The following LIPI variants were observed in gnomAD, a reference collection of about 807,000 sequenced individuals.
The protein encoded by LIPI is lipase member I.
LIPI carries 59 observed loss-of-function variants against 50.6 expected under a neutral mutation model. That is an observed-to-expected ratio of 1.16 (90% confidence interval 0.94 to 1.45). The LOEUF (loss-of-function observed/expected upper bound fraction) is 1.45. LIPI is among the 40% of genes most tolerant of loss of function. The probability of loss-of-function intolerance (pLI) is 0.00; values close to 1 mark genes in which losing one functional copy is unlikely to be tolerated. For missense variants in LIPI, 586 were observed against 536.3 expected (o/e 1.09, Z -0.92); for synonymous variants, 203 against 178.2 (o/e 1.14, Z -1.11).
chr21:14,161,674 CATT>C (rs1480347087), intron 7 of LIPI, among the ~76,000 whole-genome samples: 4 of 97,902 alleles, frequency 4.1e-5, no homozygotes, highest in African/African-American at 1.7e-4. Flanking sequence ...ATAATATATA[CATT>C]ATTATATATT....
At chr21:14,201,020 T>C (rs926138492) in intron 1 of LIPI, among the ~76,000 whole-genome samples, 3 of 152,124 alleles carry the variant, frequency 2.0e-5, no homozygotes, top group South Asian at 2.1e-4. Flanking sequence ...AAGGATTCCC[T>C]GTCGAATAAG....
rs985251169 is a variant in LIPI, at chr21:14,202,321, C to A, written c.46+8479G>T. 4.6e-5 allele frequency among the ~76,000 whole-genome samples: 7 copies of A among 151,958 alleles called. No homozygotes were observed. The South Asian group carries it at 1.5e-3, about 32-fold the overall frequency. ...TACCAATGACTTTCTTCACAGAATT[C>A]GAAAAAACTATTTTAAAGTTCATAT... On this transcript the variant is annotated intron_variant, in intron 1 of 9. Coordinates refer to ENST00000681601, the MANE Select transcript of LIPI (RefSeq NM_001302998.2).
At chr21:14,186,936 C>G (rs1358732354) in intron 2 of LIPI, among the ~76,000 whole-genome samples, 5 of 152,180 alleles carry the variant, frequency 3.3e-5, no homozygotes, top group Non-Finnish European at 7.3e-5. Context: ...TATAAGCTAC[C>G]TAGCCTATGG....
intron 9 of LIPI, among the ~76,000 whole-genome samples, chr21:14,116,340 G>A (rs2016637495): frequency 6.6e-6 from 1 of 152,112 alleles, no homozygotes; most frequent in Non-Finnish European, 1.5e-5. Flanking sequence ...AGGCCGACAG[G>A]ATTAGTTTCA....
At chr21:14,207,916 G>A (rs1456200542) in intron 1 of LIPI, among the ~76,000 whole-genome samples, 1 of 152,180 alleles carries the variant, frequency 6.6e-6, no homozygotes, top group Non-Finnish European at 1.5e-5. Context: ...GCTATTAACT[G>A]CATGTAGAGG....
In LIPI at chr21:14,132,812, G is replaced by A. The variant is rs900992957; in HGVS notation, c.1295+11811C>T. The stretch of plus-strand genomic sequence containing the variant: ...ATAAACACAATCTGTAAAGAAAAAA[G>A]GGATATTACAACTGACACCACAGAA... On this transcript the variant is annotated intron_variant, in intron 9 of 9. Transcript: ENST00000681601. Among the ~76,000 whole-genome samples, 8 of 152,040 alleles carry A rather than the reference G, an allele frequency of 5.3e-5. No individual in the cohort carries two copies. In the South Asian group the frequency reaches 6.2e-4, roughly 12 times the overall value.
At chr21:14,135,463 G>A (rs1404287365) in intron 9 of LIPI, among the ~76,000 whole-genome samples, 1 of 152,166 alleles carries the variant, frequency 6.6e-6, no homozygotes, top group Admixed American at 6.5e-5. Flanking sequence ...CCCCAGGAGT[G>A]GCGGCATGGT....
chr21:14,144,039 C>A, intron 9 of LIPI: 1 of 157,950 alleles, frequency 6.3e-6, no homozygotes, highest in Non-Finnish European at 1.4e-5. Context: ...AGCTTCTCCT[C>A]ACACCTTTAT....
chr21:14,152,166 T>C (rs2018117506), intron 8 of LIPI, among the ~76,000 whole-genome samples: 1 of 151,946 alleles, frequency 6.6e-6, no homozygotes, highest in Admixed American at 6.6e-5. Context: ...AGCGGTGCAA[T>C]CTCAGCTCAC....
At chr21:14,162,814 G>A (rs1300550178) in intron 7 of LIPI, among the ~76,000 whole-genome samples, 1 of 151,766 alleles carries the variant, frequency 6.6e-6, no homozygotes, top group Non-Finnish European at 1.5e-5. Context: ...ATTAATGACA[G>A]TAATTCAAAA....
At chr21:14,130,142 C>T (rs2017231895) in intron 9 of LIPI, among the ~76,000 whole-genome samples, 1 of 152,076 alleles carries the variant, frequency 6.6e-6, no homozygotes, top group Non-Finnish European at 1.5e-5. Flanking sequence ...GTCCCAGTCC[C>T]CATATTCTCC....
chr21:14,208,812 G>A (rs1402859856), intron 1 of LIPI, among the ~76,000 whole-genome samples: 1 of 152,192 alleles, frequency 6.6e-6, no homozygotes, highest in Non-Finnish European at 1.5e-5. Context: ...AGCACTTTGG[G>A]AGGCTGAGAA....
chr21:14,167,399 C>T (rs538003101), intron 4 of LIPI, among the ~76,000 whole-genome samples: 1 of 152,194 alleles, frequency 6.6e-6, no homozygotes, highest in African/African-American at 2.4e-5. Context: ...TGAGAACGGG[C>T]AGACTGTCTC....
chr21:14,111,990 C>T (rs536320137), intron 9 of LIPI, among the ~76,000 whole-genome samples: 42 of 152,116 alleles, frequency 2.8e-4, no homozygotes, highest in African/African-American at 6.3e-4. Flanking sequence ...TTTTTCAATT[C>T]GCATCCCTCT....
chr21:14,210,697 T>A (rs2020339840), intron 1 of LIPI, 103 bp downstream of exon 1: 2 of 348,656 alleles, frequency 5.7e-6, no homozygotes, highest in Admixed American at 1.1e-4. Flanking sequence ...ATCTAACATA[T>A]TTTTATCCCA....
intron 9 of LIPI, among the ~76,000 whole-genome samples, chr21:14,125,585 C>A (rs8132149): frequency 0.27 from 41,536 of 152,012 alleles, 6,052 homozygotes; most frequent in East Asian, 0.45. Context: ...TGACATAGAG[C>A]CTCACTCTGT....
At chr21:14,124,433 A>T (rs2016978900) in intron 9 of LIPI, among the ~76,000 whole-genome samples, 1 of 152,104 alleles carries the variant, frequency 6.6e-6, no homozygotes, top group Non-Finnish European at 1.5e-5. Context: ...CCCCGGTAGA[A>T]TACTAACTGC....
intron 8 of LIPI, among the ~76,000 whole-genome samples, 198 bp downstream of exon 8, chr21:14,152,375 T>A (rs76264357): frequency 0.088 from 13,454 of 152,178 alleles, 755 homozygotes; most frequent in East Asian, 0.27. Context: ...AGAGTAAGGG[T>A]GCCTCTTTAA....
At chr21:14,109,175 C>T in intron 9 of LIPI, 95 bp from the exon 10 acceptor site, 1 of 927,690 alleles carries the variant, frequency 1.1e-6, no homozygotes, top group African/African-American at 1.6e-5. Flanking sequence ...ATAGTCCATG[C>T]CTGTAACTAG....
Sources: allele counts gnomAD v4.1 joint callset (sites outside exome capture counted in the v4.1 genomes callset), GRCh38; gene constraint gnomAD v4.1.1; transcripts MANE v1.5; gene names NCBI Gene and HGNC (gene_info 2026-07-23, HGNC 2026-07-21).